Variants in IL1RAPL1 observed in about 807,000 individuals in gnomAD.
IL1RAPL1 encodes the protein interleukin-1 receptor accessory protein-like 1.
In IL1RAPL1, 3 loss-of-function variants were observed where a neutral mutation model predicts 48.4. That is an observed-to-expected ratio of 0.06 (90% CI 0.03 to 0.16). IL1RAPL1 has a LOEUF of 0.16. Among genes scored for constraint, IL1RAPL1 ranks in the 10% least tolerant of loss-of-function variants. IL1RAPL1 has a pLI of 1.00. For synonymous variants in IL1RAPL1, 185 were observed against 187.7 expected, an observed-to-expected ratio of 0.99 and a Z score of 0.12; for missense variants, 349 against 530.6, an observed-to-expected ratio of 0.66 and a Z score of 3.36.
intron 2 of IL1RAPL1, among the ~76,000 whole-genome samples, chrX:29,257,360 C>G (rs1482791035): frequency 9.0e-6 from 1 of 111,587 alleles, no homozygotes; most frequent in Non-Finnish European, 1.9e-5. Context: ...GATTTCAGTT[C>G]AACAACCTGT....
chrX:29,391,885 G>T (rs755732161), intron 3 of IL1RAPL1, among the ~76,000 whole-genome samples: 1 of 111,904 alleles, frequency 8.9e-6, no homozygotes, highest in Non-Finnish European at 1.9e-5. Flanking sequence ...TTAGATAATA[G>T]AATTCGAAAA....
chrX:29,471,672 A>G (rs1004956900), intron 5 of IL1RAPL1, among the ~76,000 whole-genome samples: 1 of 111,150 alleles, frequency 9.0e-6, no homozygotes, highest in Non-Finnish European at 1.9e-5. Flanking sequence ...CCAAGATTCT[A>G]TTTTCTTTCA....
chrX:29,425,675 G>A (rs938623904), intron 5 of IL1RAPL1, among the ~76,000 whole-genome samples: 1 of 111,288 alleles, frequency 9.0e-6, no homozygotes, highest in Non-Finnish European at 1.9e-5. Flanking sequence ...CGCCTCCTGG[G>A]CTCAAGCAAT....
At chrX:28,702,040 G>A (rs192185244) in intron 1 of IL1RAPL1, among the ~76,000 whole-genome samples, 21 of 111,453 alleles carry the variant, frequency 1.9e-4, no homozygotes, top group African/African-American at 5.8e-4. Context: ...GTGAAATGAT[G>A]CTCATGGACT....
At chrX:29,513,838 A>G (rs1006499820) in intron 5 of IL1RAPL1, among the ~76,000 whole-genome samples, 9 of 112,057 alleles carry the variant, frequency 8.0e-5, no homozygotes, top group Non-Finnish European at 3.8e-5. Context: ...CATATCCTCA[A>G]TTAATGTAAT....
intron 6 of IL1RAPL1, among the ~76,000 whole-genome samples, chrX:29,890,915 C>T (rs1365787762): frequency 8.9e-6 from 1 of 112,222 alleles, no homozygotes; most frequent in African/African-American, 3.2e-5. Flanking sequence ...CCTAAATTTG[C>T]TTTTTGTCTC....
At chrX:28,958,361 C>A (rs999167091) in intron 2 of IL1RAPL1, among the ~76,000 whole-genome samples, 4 of 111,671 alleles carry the variant, frequency 3.6e-5, no homozygotes, top group Non-Finnish European at 7.5e-5. Context: ...GGCTTCACTC[C>A]TAACGCTGTA....
At chrX:29,842,216 A>G (rs1227425081) in intron 6 of IL1RAPL1, among the ~76,000 whole-genome samples, 1 of 112,200 alleles carries the variant, frequency 8.9e-6, no homozygotes, top group Non-Finnish European at 1.9e-5. Context: ...TCAGAAGCAT[A>G]AATATTATGG....
chrX:29,885,155 TCACTGCCTGCAATGAATGCCTGCAATAA>T (rs1168417522), intron 6 of IL1RAPL1, among the ~76,000 whole-genome samples: 1 of 111,835 alleles, frequency 8.9e-6, no homozygotes, highest in Non-Finnish European at 1.9e-5. Flanking sequence ...ACCTTTGTAC[TCACTGCCTGCAATGAATGCCTGCAATAA>T]CACATCCTCC....
chrX:29,066,499 C>T (rs776909888), intron 2 of IL1RAPL1, among the ~76,000 whole-genome samples: 4 of 112,382 alleles, frequency 3.6e-5, no homozygotes, highest in African/African-American at 6.5e-5. Context: ...CAGTTAAACT[C>T]AAGCCCCTTT....
intron 2 of IL1RAPL1, among the ~76,000 whole-genome samples, chrX:29,182,807 T>G (rs1055663981): frequency 9.0e-6 from 1 of 111,675 alleles, no homozygotes; most frequent in African/African-American, 3.3e-5. Flanking sequence ...TATGATTAAA[T>G]AAAGATCTTG....
intron 6 of IL1RAPL1, among the ~76,000 whole-genome samples, chrX:29,673,792 A>G (rs1926202627): frequency 8.9e-6 from 1 of 112,130 alleles, no homozygotes; most frequent in Non-Finnish European, 1.9e-5. Flanking sequence ...TTATCATCCC[A>G]AGGTAAATGA....
intron 2 of IL1RAPL1, among the ~76,000 whole-genome samples, chrX:29,077,301 T>C (rs1927698992): frequency 9.0e-6 from 1 of 111,042 alleles, no homozygotes; most frequent in East Asian, 2.8e-4. Flanking sequence ...CTGTGAGAAA[T>C]AATAAGAAAA....
chrX:29,945,112 A>G (rs993583696), intron 9 of IL1RAPL1, among the ~76,000 whole-genome samples: 4 of 111,774 alleles, frequency 3.6e-5, no homozygotes, highest in Non-Finnish European at 5.6e-5. Context: ...CTCAAACCAT[A>G]TGAAGTTCTG....
At chrX:28,927,345 C>T in intron 2 of IL1RAPL1, among the ~76,000 whole-genome samples, 1 of 111,845 alleles carries the variant, frequency 8.9e-6, no homozygotes, top group Non-Finnish European at 1.9e-5. Context: ...CTCTCTCCTC[C>T]TTCAATATCA....
intron 6 of IL1RAPL1, among the ~76,000 whole-genome samples, chrX:29,720,701 A>G (rs1403909097): frequency 2.7e-5 from 3 of 111,237 alleles, no homozygotes; most frequent in African/African-American, 9.8e-5. Flanking sequence ...ATGTATACCT[A>G]TGTAACAAAC....
chrX:29,555,357 A>G, intron 5 of IL1RAPL1, among the ~76,000 whole-genome samples: 1 of 112,443 alleles, frequency 8.9e-6, no homozygotes, highest in Non-Finnish European at 1.9e-5. Context: ...ACAGACAGTG[A>G]GTTTGAAGAA....
intron 2 of IL1RAPL1, among the ~76,000 whole-genome samples, chrX:28,862,112 G>A (rs1347539125): frequency 8.9e-6 from 1 of 111,927 alleles, no homozygotes; most frequent in Admixed American, 9.5e-5. Context: ...AGTGTTACAA[G>A]CATTTTATGA....
Position 29,213,973 on chromosome X carries a change from T to C in IL1RAPL1, c.83-68965T>C, listed in dbSNP as rs893719654. 2.7e-5 allele frequency among the ~76,000 whole-genome samples: 3 copies of C among 111,632 alleles called. No homozygotes were observed. The South Asian group carries it at 1.1e-3, about 42-fold the overall frequency. ...CAGAGATCTTTGTCAATTTTGCTCA[T>C]AGATAATTCCCAAGTACCTAGGACA... On this transcript the variant is annotated intron_variant, in intron 2 of 10. Coordinates refer to ENST00000378993, the MANE Select transcript of IL1RAPL1 (RefSeq NM_014271.4).
Sources: allele counts gnomAD v4.1 joint callset (sites outside exome capture counted in the v4.1 genomes callset), GRCh38; gene constraint gnomAD v4.1.1; transcripts MANE v1.5; gene names NCBI Gene and HGNC (gene_info 2026-07-23, HGNC 2026-07-21).